Variants in CEP250 observed in about 807,000 individuals in gnomAD.
The protein encoded by CEP250 is centrosomal protein 250.
CEP250 carries 242 observed loss-of-function variants against 315.7 expected under a neutral mutation model. That is an observed-to-expected ratio of 0.77 (90% CI 0.69 to 0.85). CEP250 has a LOEUF of 0.85. CEP250 is among the 40% of genes least tolerant of loss of function. The pLI, the probability that CEP250 is intolerant of heterozygous loss-of-function variation, is 0.00. For synonymous variants in CEP250, 1,088 were observed against 1,175.0 expected (o/e 0.93, Z 1.51); for missense variants, 2,515 against 2,886.4 (o/e 0.87, Z 2.95).
intron 22 of CEP250, among the ~76,000 whole-genome samples, chr20:35,491,659 T>A (rs577823747): frequency 1.9e-4 from 29 of 152,038 alleles, no homozygotes; most frequent in Non-Finnish European, 4.0e-4. Context: ...TCCCAGCACA[T>A]TGGGAGGCTG....
chr20:35,495,298 T>A (rs1415545413), intron 24 of CEP250, among the ~76,000 whole-genome samples: 1 of 151,674 alleles, frequency 6.6e-6, no homozygotes, highest in Non-Finnish European at 1.5e-5. Flanking sequence ...CAGCAAGGAG[T>A]TCGTAGTTTG....
intron 9 of CEP250, 75 bp from the exon 10 acceptor site, chr20:35,469,815 C>CTGGGGT: frequency 1.1e-6 from 1 of 941,578 alleles, no homozygotes; most frequent in East Asian, 2.6e-5. Flanking sequence ...GGGGCTGGGG[C>CTGGGGT]TGGGGTGTGC....
chr20:35,504,565 G>T lies in CEP250; in HGVS notation c.6196G>T (p.Ala2066Ser), dbSNP rs776041790. The T allele has an allele frequency of 1.9e-6, 3 of 1,614,166 alleles. No homozygotes were observed. Among genetic ancestry groups the T allele is most frequent in the Non-Finnish European group, 2.5e-6 (3 of 1,179,998 alleles). ...GGAGCAGCTGCTGGAGAAGTCTCTG[G>T]CCCAGAGGGTCCAAGAGAATATGAT... ...EREQLLEKSLAQRVQENMIQE... is the reference protein window; with the variant it reads ...EREQLLEKSLSQRVQENMIQE... The change falls in exon 30 of 35, where the codon GCC (alanine) becomes TCC (serine). Residue 2066 changes from alanine (A) to serine (S), a missense_variant. Physicochemically the swap from Ala to Ser is moderately conservative, Grantham distance 99. Transcript: ENST00000397527.
Position 35,517,150 on chromosome 20 carries a change from C to A in CEP250, c.*5524C>A. ...CCTTAGCTCCTGCCTCCCTCTGGAC[C>A]TATTCAGTCCTCAAGGGTGCCCTGC... On this transcript the variant is annotated 3_prime_UTR_variant, in exon 35 of 35. Coordinates refer to ENST00000397527, the MANE Select transcript of CEP250 (RefSeq NM_007186.6). 2.7e-6 allele frequency: 1 copy of A among 370,206 alleles called. No homozygotes were observed. The highest frequency in any genetic ancestry group is 3.7e-6 in the Non-Finnish European group (1 of 267,332). The allele number at this position is 370,206 out of a possible 1,614,324, so 22.9% of individuals were successfully genotyped here.
chr20:35,470,744 ACT>A (rs1440396659), intron 10 of CEP250, among the ~76,000 whole-genome samples: 4 of 152,024 alleles, frequency 2.6e-5, no homozygotes, highest in Non-Finnish European at 5.9e-5. Context: ...CAAGAGTGAA[ACT>A]CCGTCTCAAA....
chr20:35,497,814 G>A lies in CEP250; in HGVS notation c.3402G>A (p.Thr1134=), dbSNP rs140984394. The A allele has an allele frequency of 4.3e-4, 680 of 1,564,642 alleles. 2 individuals are homozygous for A. In the African/African-American group the frequency reaches 6.3e-3, roughly 15 times the overall value. ...AGGAGCTGGAGGCGTCTCATATCAC[G>A]GAGCAGCAGCTGCGAGCCTCCTTGT... ...LLEELEASHI[T]EQQLRASLWA... Residue 1134 remains threonine (T), a synonymous_variant, in exon 26 of 35, where the codon ACG becomes ACA. Transcript: ENST00000397527.
intron 3 of CEP250, among the ~76,000 whole-genome samples, chr20:35,461,475 G>C (rs1264729746): frequency 1.3e-5 from 2 of 152,212 alleles, no homozygotes; most frequent in Non-Finnish European, 2.9e-5. Context: ...GCCTGTGGTG[G>C]CCCATTGCCC....
Position 35,476,516 on chromosome 20 carries a change from G to A in CEP250, c.1784G>A (p.Arg595Gln), listed in dbSNP as rs765356303. 15 of 1,613,924 alleles carry A rather than the reference G, an allele frequency of 9.3e-6. No individual in the cohort carries two copies. The African/African-American group carries it at 1.1e-4, about 11-fold the overall frequency. The change falls in exon 16 of 35, where the codon CGG becomes CAG. Residue 595 changes from arginine to glutamine, a missense_variant. Transcript: ENST00000397527. Reference protein sequence around the residue: ...NTLKTEVADLRAAAVKLSALN... With the variant: ...NTLKTEVADLQAAAVKLSALN... Reference sequence around the variant, plus strand: ...CTGAAGACAGAAGTAGCTGATCTTCGGGCTGCAGCTGTCAAGCTCAGTGCC... The same window carrying A: ...CTGAAGACAGAAGTAGCTGATCTTCAGGCTGCAGCTGTCAAGCTCAGTGCC...
chr20:35,480,018 G>C lies in CEP250; in HGVS notation c.2459G>C (p.Ser820Thr). 2.5e-6 allele frequency: 4 copies of C among 1,613,790 alleles called. No individual in the cohort carries two copies. Among genetic ancestry groups the C allele is most frequent in the Non-Finnish European group, 3.4e-6 (4 of 1,180,022 alleles). The change falls in exon 20 of 35, where the codon AGT becomes ACT. Residue 820 changes from serine to threonine, a missense_variant. Transcript: ENST00000397527. ...AAGCTGGAACTGGACACTGAACGGAGTCAGGCAGAGCAGGAGCGGGATGCT... is the reference window on the plus strand; with the variant it reads ...AAGCTGGAACTGGACACTGAACGGACTCAGGCAGAGCAGGAGCGGGATGCT... ...CLKLELDTER[S>T]QAEQERDAAA...
At chr20:35,474,457 G>A (rs1253049069) in intron 14 of CEP250, among the ~76,000 whole-genome samples, 1 of 152,232 alleles carries the variant, frequency 6.6e-6, no homozygotes, top group Non-Finnish European at 1.5e-5. Flanking sequence ...GGAGAGAGTA[G>A]ACTTTGAGCT....
intron 11 of CEP250, 69 bp downstream of exon 11, chr20:35,472,220 A>G: frequency 1.1e-6 from 1 of 904,420 alleles, no homozygotes; most frequent in Non-Finnish European, 1.8e-6. Flanking sequence ...ATGTCCTTTC[A>G]GTCCTGCCTA....
In CEP250 at chr20:35,496,586, C is replaced by G. The variant is rs224376; in HGVS notation, c.3177C>G (p.Leu1059=). 1,611,199 of 1,614,000 alleles carry G rather than the reference C, an allele frequency of 1. 804,244 individuals are homozygous for G. The highest frequency in any genetic ancestry group is 1 in the East Asian group (44,892 of 44,892). The change falls in exon 25 of 35, where the codon CTC becomes CTG. Residue 1059 remains leucine, a synonymous_variant. Transcript: ENST00000397527. ...ACCCCTCTCTTTTTAGCCTGACTCT[C>G]TCACTGATGGAAAAGGAACAGAGAC... ...ELEREKASLT[L]SLMEKEQRLL...
Position 35,462,526 on chromosome 20 carries a change from A to G in CEP250, c.159A>G (p.Ala53=). Residue 53 remains alanine (A), a synonymous_variant, in exon 4 of 35, where the codon GCA becomes GCG. Transcript: ENST00000397527. ...CCCAGGAGGCCCAGCAGAGACAAGC[A>G]ACCCTTGTGAGGAAGCTGCAGGCCA... is the stretch of plus-strand genomic sequence containing the variant. The part of the protein sequence containing the change: ...KNSQEAQQRQ[A]TLVRKLQAKV... 1 of 1,608,014 alleles carries G rather than the reference A, an allele frequency of 6.2e-7. No individual in the cohort carries two copies. Among genetic ancestry groups the G allele is most frequent in the South Asian group, 1.1e-5 (1 of 90,042 alleles).
rs1601167377 is a variant in CEP250, at chr20:35,475,446, T to A, written c.1572-56T>A. 5.7e-6 allele frequency: 9 copies of A among 1,565,768 alleles called. No homozygotes were observed. The Admixed American group carries it at 1.4e-4, about 24-fold the overall frequency. On this transcript the variant is annotated intron_variant, in intron 14 of 34. Transcript: ENST00000397527. ...AAGGTGATTATATTCCTGTTACCTT[T>A]GGGGTTATGGCCCATCCCTAAGAGT...
At chr20:35,459,396 C>T (rs2062704715) in intron 2 of CEP250, among the ~76,000 whole-genome samples, 1 of 152,016 alleles carries the variant, frequency 6.6e-6, no homozygotes, top group African/African-American at 2.4e-5. Context: ...TAAAAGAAAA[C>T]TTAATGAGAA....
intron 26 of CEP250, 38 bp from the exon 27 acceptor site, chr20:35,498,557 G>C: frequency 6.2e-7 from 1 of 1,601,508 alleles, no homozygotes; most frequent in Non-Finnish European, 8.5e-7. Context: ...TCTTTTCATA[G>C]TGGCAGCCAG....
At chr20:35,492,440 C>T (rs1472683439) in intron 22 of CEP250, among the ~76,000 whole-genome samples, 1 of 151,986 alleles carries the variant, frequency 6.6e-6, no homozygotes, top group East Asian at 1.9e-4. Context: ...AAACCCACTA[C>T]ACAGTATACG....
At chr20:35,505,138 C>T (rs1477869092) in intron 30 of CEP250, 133 bp downstream of exon 30, 13 of 710,200 alleles carry the variant, frequency 1.8e-5, no homozygotes, top group South Asian at 9.9e-5. Context: ...ACCTCAACAT[C>T]GGTGGGATTC....
intron 10 of CEP250, among the ~76,000 whole-genome samples, chr20:35,470,981 C>T (rs1295056510): frequency 6.6e-6 from 1 of 152,000 alleles, no homozygotes. Flanking sequence ...TGGCTTAATA[C>T]CATGTTTCAT....
Sources: gnomAD v4.1 joint callset for allele counts (sites outside exome capture counted in the v4.1 genomes callset) on GRCh38, gnomAD v4.1.1 for gene constraint, MANE v1.5 for transcripts, NCBI Gene and HGNC (gene_info 2026-07-23, HGNC 2026-07-21) for gene names.